Variants in PDE1A observed in about 807,000 individuals in gnomAD.
PDE1A encodes the protein dual specificity calcium/calmodulin-dependent 3',5'-cyclic nucleotide phosphodiesterase 1A.
PDE1A carries 35 observed loss-of-function variants against 61.7 expected under a neutral mutation model. The observed-to-expected ratio is 0.57, with a 90% CI of 0.43 to 0.75. The LOEUF is 0.75. PDE1A is among the 30% of genes least tolerant of loss of function. The probability of loss-of-function intolerance (pLI) is 0.00; values close to 1 mark genes in which losing one functional copy is unlikely to be tolerated. For synonymous variants in PDE1A, 232 were observed against 213.2 expected (o/e 1.09, Z -0.77); for missense variants, 597 against 630.6 (o/e 0.95, Z 0.57).
chr2:182,596,401 A>G, the PDE1A span, among the ~76,000 whole-genome samples: 3 of 152,206 alleles, frequency 2.0e-5, no homozygotes, highest in Non-Finnish European at 4.4e-5. Flanking sequence ...TCCCCCAGGG[A>G]GGCTGAAGAC....
At chr2:182,572,826 G>A in the PDE1A span, among the ~76,000 whole-genome samples, 6 of 138,690 alleles carry the variant, frequency 4.3e-5, no homozygotes, top group South Asian at 6.7e-4. Context: ...CCAAGATTGC[G>A]CCACTGCACT....
At chr2:182,566,194 T>G in the PDE1A span, among the ~76,000 whole-genome samples, 1 of 152,088 alleles carries the variant, frequency 6.6e-6, no homozygotes, top group African/African-American at 2.4e-5. Context: ...GTCACAACTA[T>G]GTTCTCCCTC....
chr2:182,386,810 C>A lies in PDE1A; in HGVS notation c.53+39768G>T, dbSNP rs539408346. On this transcript the variant is annotated intron_variant, in intron 1 of 13. Coordinates refer to ENST00000351439, the Ensembl canonical transcript of PDE1A. The stretch of plus-strand genomic sequence containing the variant: ...TGTCTGGGAGGGAGGTGGGGGGCAC[C>A]TCCACCCGGCCGCCGCCCCGTCTGG... Among the ~76,000 whole-genome samples the A allele has an allele frequency of 2.6e-5, 4 of 151,612 alleles. No individual in the cohort carries two copies. In the South Asian group the frequency reaches 8.3e-4, roughly 32 times the overall value.
chr2:182,454,842 G>T (rs1371047944), intron 2 of PDE1A, among the ~76,000 whole-genome samples: 2 of 150,826 alleles, frequency 1.3e-5, no homozygotes, highest in Admixed American at 1.3e-4. Flanking sequence ...CAATACGATT[G>T]AGGACATAGG....
chr2:182,221,904 A>T (rs1272658980), intron 7 of PDE1A, among the ~76,000 whole-genome samples: 1 of 152,072 alleles, frequency 6.6e-6, no homozygotes, highest in Non-Finnish European at 1.5e-5. Flanking sequence ...GACGGATATC[A>T]GACCAGATGA....
chr2:182,684,140 A>G, the PDE1A span, among the ~76,000 whole-genome samples: 2 of 151,470 alleles, frequency 1.3e-5, no homozygotes, highest in African/African-American at 2.4e-5. Context: ...AAAAAAAAAA[A>G]GAAATGCAAA....
the PDE1A span, among the ~76,000 whole-genome samples, chr2:182,655,121 T>C: frequency 1.3e-5 from 2 of 152,226 alleles, no homozygotes; most frequent in Non-Finnish European, 2.9e-5. Flanking sequence ...AAGATGCCAA[T>C]GTCTGCCTCA....
intron 1 of PDE1A, among the ~76,000 whole-genome samples, chr2:182,355,042 A>G (rs1026633711): frequency 2.6e-5 from 4 of 152,086 alleles, no homozygotes; most frequent in African/African-American, 9.6e-5. Flanking sequence ...TTAATGGAGT[A>G]TTTATTTTAC....
chr2:182,243,898 G>A (rs1020556803), intron 2 of PDE1A, among the ~76,000 whole-genome samples: 3 of 151,866 alleles, frequency 2.0e-5, no homozygotes, highest in African/African-American at 2.4e-5. Context: ...ATGGAGTTTC[G>A]CTCTTGATGC....
chr2:182,644,261 C>CTG, the PDE1A span, among the ~76,000 whole-genome samples: 23 of 68,362 alleles, frequency 3.4e-4, no homozygotes, highest in South Asian at 2.8e-3. Flanking sequence ...AGTCTTAAGA[C>CTG]TCTGTGTGTG....
At chr2:182,494,828 T>G (rs1354126936) in intron 2 of PDE1A, among the ~76,000 whole-genome samples, 1 of 152,172 alleles carries the variant, frequency 6.6e-6, no homozygotes, top group Non-Finnish European at 1.5e-5. Flanking sequence ...AACAGCACAC[T>G]TTTATATAGC....
At chr2:182,501,786 T>C (rs1689097181) in intron 2 of PDE1A, among the ~76,000 whole-genome samples, 1 of 152,168 alleles carries the variant, frequency 6.6e-6, no homozygotes, top group African/African-American at 2.4e-5. Flanking sequence ...TTTCTCTCCC[T>C]ACCCAACTTA....
intron 1 of PDE1A, among the ~76,000 whole-genome samples, chr2:182,423,298 T>TA (rs1183213759): frequency 1.3e-5 from 2 of 152,174 alleles, no homozygotes; most frequent in Non-Finnish European, 2.9e-5. Context: ...GGAAATTTTT[T>TA]AAAAAATAGA....
chr2:182,256,077 A>G (rs796477144), intron 2 of PDE1A, among the ~76,000 whole-genome samples: 1 of 54,928 alleles, frequency 1.8e-5, no homozygotes, highest in Admixed American at 1.9e-4. Context: ...TTTTTCTTTT[A>G]TTTTTCTTTC....
intron 1 of PDE1A, among the ~76,000 whole-genome samples, chr2:182,275,434 A>G (rs1299511361): frequency 6.6e-6 from 1 of 152,142 alleles, no homozygotes; most frequent in Middle Eastern, 3.2e-3. Flanking sequence ...GCAGGGATAA[A>G]GCAAGGAATA....
chr2:182,185,031 C>T (rs1327347041), intron 13 of PDE1A, among the ~76,000 whole-genome samples: 1 of 152,090 alleles, frequency 6.6e-6, no homozygotes, highest in Non-Finnish European at 1.5e-5. Flanking sequence ...GTCTTTCTGA[C>T]TATAAATATG....
At chr2:182,343,251 G>C (rs974886476) in intron 1 of PDE1A, among the ~76,000 whole-genome samples, 1 of 152,094 alleles carries the variant, frequency 6.6e-6, no homozygotes, top group African/African-American at 2.4e-5. Flanking sequence ...GCATTTTGGT[G>C]GAAATTTAAC....
At position 182,334,415 on chromosome 2, in the gene PDE1A, A is replaced by G. The variant is rs556823794; in HGVS notation, c.54-70001T>C. ...AACTGAATCCAGCAGCACATCAAAA[A>G]GCTTATGCAACACGATCAAGTTGGC... On this transcript the variant is annotated intron_variant, in intron 1 of 13. Transcript: ENST00000351439. Among the ~76,000 whole-genome samples the G allele has an allele frequency of 6.6e-5, 10 of 152,300 alleles. No individual in the cohort carries two copies. The Middle Eastern group carries it at 0.014, about 207-fold the overall frequency.
the PDE1A span, among the ~76,000 whole-genome samples, chr2:182,715,465 C>A: frequency 6.6e-6 from 1 of 152,148 alleles, no homozygotes; most frequent in African/African-American, 2.4e-5. Context: ...TGATTTACTC[C>A]CCGAAACTGT....
Sources: gnomAD v4.1 joint callset for allele counts (sites outside exome capture counted in the v4.1 genomes callset) on GRCh38, gnomAD v4.1.1 for gene constraint, MANE v1.5 for transcripts, NCBI Gene and HGNC (gene_info 2026-07-23, HGNC 2026-07-21) for gene names.